TRIO: variants seen among roughly 807,000 people sequenced by gnomAD.
TRIO encodes the protein triple functional domain protein.
Under a neutral mutation model 351.9 loss-of-function variants are expected in TRIO, and 58 were observed. That is an observed-to-expected ratio of 0.16 (90% confidence interval 0.13 to 0.21). TRIO has a LOEUF of 0.21. TRIO is among the 10% of genes least tolerant of loss of function. The pLI is 1.00. For missense variants in TRIO, 3,201 were observed against 4,027.8 expected, an observed-to-expected ratio of 0.79 and a Z score of 5.56; for synonymous variants, 1,758 against 1,595.7, an observed-to-expected ratio of 1.10 and a Z score of -2.42.
At chr5:14,373,260 G>A (rs1230849946) in intron 18 of TRIO, among the ~76,000 whole-genome samples, 2 of 152,214 alleles carry the variant, frequency 1.3e-5, no homozygotes, top group South Asian at 2.1e-4. Flanking sequence ...CAGACAACTC[G>A]AAATTTCACA....
At chr5:14,372,648 T>C (rs901178423) in intron 18 of TRIO, among the ~76,000 whole-genome samples, 7 of 152,236 alleles carry the variant, frequency 4.6e-5, no homozygotes, top group African/African-American at 1.7e-4. Context: ...ATTTTCAGGA[T>C]AATGAATTGT....
intron 20 of TRIO, among the ~76,000 whole-genome samples, chr5:14,379,042 C>G (rs1014785573): frequency 6.6e-6 from 1 of 152,186 alleles, no homozygotes; most frequent in African/African-American, 2.4e-5. Context: ...CCTGTCACTT[C>G]TGTTTTGCCT....
intron 21 of TRIO, among the ~76,000 whole-genome samples, chr5:14,383,022 C>T (rs1048708768): frequency 2.6e-5 from 4 of 152,162 alleles, no homozygotes; most frequent in African/African-American, 9.7e-5. Flanking sequence ...ACCATAATGG[C>T]TCAGTGCATC....
chr5:14,480,572 C>G (rs190823030), intron 43 of TRIO, among the ~76,000 whole-genome samples: 12 of 152,094 alleles, frequency 7.9e-5, no homozygotes, highest in African/African-American at 2.4e-4. Flanking sequence ...TAAGCATAAC[C>G]GAAGGCAGAG....
At chr5:14,406,796 G>T in intron 33 of TRIO, 124 bp downstream of exon 33, 3 of 928,232 alleles carry the variant, frequency 3.2e-6, no homozygotes, top group Non-Finnish European at 4.9e-6. Flanking sequence ...TACGTGCCAG[G>T]AGTGGTGCCA....
intron 7 of TRIO, among the ~76,000 whole-genome samples, chr5:14,300,772 G>A (rs925111626): frequency 3.9e-5 from 6 of 152,150 alleles, no homozygotes; most frequent in African/African-American, 1.4e-4. Context: ...GAGGTCTATG[G>A]CTAGGTCTTT....
intron 1 of TRIO, among the ~76,000 whole-genome samples, chr5:14,184,712 A>G (rs1447175233): frequency 2.6e-5 from 4 of 152,204 alleles, no homozygotes; most frequent in African/African-American, 7.2e-5. Flanking sequence ...TTTCCAGTAC[A>G]TAGCCTATGT....
rs372830683 is a variant in TRIO at position 14,507,155 on chromosome 5, G to A, written c.8646G>A (p.Val2882=). 1.9e-5 allele frequency: 31 copies of A among 1,612,082 alleles called. No individual in the cohort carries two copies. The highest frequency in any genetic ancestry group is 2.5e-5 in the Non-Finnish European group (29 of 1,179,548). Residue 2882 remains valine (V), a synonymous_variant, in exon 56 of 57, where the codon GTG becomes GTA. Coordinates refer to ENST00000344204, the MANE Select transcript of TRIO (RefSeq NM_007118.4). ...AGGGTCGCCTCCTGGACTGCGTGGT[G>A]CGATGGGGAAGCCTCACTGAAGGGA... ...ADQGRLLDCV[V]RWGSLTEGKI...
chr5:14,339,661 C>G (rs544294568), intron 11 of TRIO, among the ~76,000 whole-genome samples: 22 of 152,306 alleles, frequency 1.4e-4, no homozygotes, highest in African/African-American at 5.1e-4. Flanking sequence ...GCAGGACACA[C>G]GTGTGCCCGT....
At chr5:14,164,626 C>CA (rs147425702) in intron 1 of TRIO, among the ~76,000 whole-genome samples, 6,678 of 152,216 alleles carry the variant, frequency 0.044, 517 homozygotes, top group African/African-American at 0.15. Flanking sequence ...TCTCAACGTA[C>CA]TGGATTTAAA....
chr5:14,208,239 AT>A (rs1791664449), intron 1 of TRIO, among the ~76,000 whole-genome samples: 3 of 152,230 alleles, frequency 2.0e-5, no homozygotes, highest in Non-Finnish European at 4.4e-5. Flanking sequence ...ATAGCCAAAA[AT>A]GAAATGATCT....
chr5:14,443,759 C>T (rs1201498732), intron 34 of TRIO, among the ~76,000 whole-genome samples: 1 of 152,216 alleles, frequency 6.6e-6, no homozygotes, highest in African/African-American at 2.4e-5. Context: ...CTTACACAGA[C>T]ATGAGCCAGG....
intron 40 of TRIO, among the ~76,000 whole-genome samples, chr5:14,476,527 C>T (rs1445647988): frequency 6.6e-6 from 1 of 152,230 alleles, no homozygotes; most frequent in East Asian, 1.9e-4. Flanking sequence ...CACGGTGGCT[C>T]ACGCCTGTAA....
At chr5:14,430,424 A>C (rs963206782) in intron 34 of TRIO, among the ~76,000 whole-genome samples, 1 of 152,182 alleles carries the variant, frequency 6.6e-6, no homozygotes, top group African/African-American at 2.4e-5. Context: ...GATTCTCCAC[A>C]TAACAAATAA....
chr5:14,323,306 A>T (rs775832659), intron 9 of TRIO, among the ~76,000 whole-genome samples: 22 of 152,192 alleles, frequency 1.4e-4, no homozygotes, highest in Non-Finnish European at 2.8e-4. Flanking sequence ...GAAAAGTCGA[A>T]TGGCTTGGCA....
intron 32 of TRIO, 185 bp downstream of exon 32, chr5:14,406,175 T>A (rs1224377853): frequency 1.1e-6 from 1 of 913,196 alleles, no homozygotes; most frequent in African/African-American, 1.7e-5. Context: ...GAGCCTCTAT[T>A]GGCTTAGAGT....
intron 33 of TRIO, among the ~76,000 whole-genome samples, chr5:14,412,662 A>G (rs1177750048): frequency 6.6e-6 from 1 of 152,162 alleles, no homozygotes; most frequent in Non-Finnish European, 1.5e-5. Flanking sequence ...GTTTCCCAGG[A>G]CCTCAGATAA....
At chr5:14,445,658 TTCTG>T (rs1463758604) in intron 34 of TRIO, among the ~76,000 whole-genome samples, 3 of 152,216 alleles carry the variant, frequency 2.0e-5, no homozygotes, top group Admixed American at 6.5e-5. Context: ...AGAATTATTC[TTCTG>T]TCTAAGGATA....
intron 36 of TRIO, 77 bp from the exon 37 acceptor site, chr5:14,465,468 C>T (rs1455207949): frequency 7.2e-7 from 1 of 1,383,082 alleles, no homozygotes. Context: ...ATGGAGCTTG[C>T]AGGGGAATTT....
Sources: gnomAD v4.1 joint callset for allele counts (sites outside exome capture counted in the v4.1 genomes callset) on GRCh38, gnomAD v4.1.1 for gene constraint, MANE v1.5 for transcripts, NCBI Gene and HGNC (gene_info 2026-07-23, HGNC 2026-07-21) for gene names.